Variants in TMEM135 observed in about 807,000 individuals in gnomAD.
The protein encoded by TMEM135 is peroxisomal membrane protein 52.
In TMEM135, 30 loss-of-function variants were observed where a neutral mutation model predicts 60.3. The ratio of observed to expected loss-of-function variants is 0.50; its 90% CI spans 0.37 to 0.68. TMEM135 has a LOEUF of 0.68. TMEM135 is among the 30% of genes least tolerant of loss of function. The pLI, the probability that TMEM135 is intolerant of heterozygous loss-of-function variation, is 0.00. For missense variants in TMEM135, 468 were observed against 548.8 expected (o/e 0.85, Z 1.47); for synonymous variants, 190 against 186.7 (o/e 1.02, Z -0.14).
At chr11:87,158,115 G>A (rs1247493269) in intron 5 of TMEM135, among the ~76,000 whole-genome samples, 1 of 152,102 alleles carries the variant, frequency 6.6e-6, no homozygotes, top group Non-Finnish European at 1.5e-5. Context: ...TTGAGGAGAT[G>A]GGGTCTTGCT....
intron 6 of TMEM135, among the ~76,000 whole-genome samples, chr11:87,252,365 G>A (rs964063376): frequency 2.6e-5 from 4 of 152,020 alleles, no homozygotes; most frequent in Non-Finnish European, 5.9e-5. Flanking sequence ...TGGAAGCCTT[G>A]CACATGTGTT....
chr11:87,113,633 C>A (rs1375273767), intron 4 of TMEM135, among the ~76,000 whole-genome samples: 1 of 151,970 alleles, frequency 6.6e-6, no homozygotes, highest in Non-Finnish European at 1.5e-5. Context: ...CTATAACAGA[C>A]CTAAATTTTG....
chr11:87,061,913 C>A (rs572593971), intron 1 of TMEM135, among the ~76,000 whole-genome samples: 102 of 152,282 alleles, frequency 6.7e-4, no homozygotes, highest in African/African-American at 2.4e-3. Flanking sequence ...AGGTTGGTCT[C>A]CATACTTGCG....
intron 4 of TMEM135, among the ~76,000 whole-genome samples, chr11:87,147,782 A>C (rs1938455062): frequency 6.6e-6 from 1 of 152,016 alleles, no homozygotes; most frequent in African/African-American, 2.4e-5. Context: ...TTTTGAGACA[A>C]AGTCTTACTT....
At chr11:87,208,384 A>G (rs1022450227) in intron 5 of TMEM135, among the ~76,000 whole-genome samples, 5 of 152,244 alleles carry the variant, frequency 3.3e-5, no homozygotes, top group African/African-American at 1.2e-4. Context: ...CTGAACTTCT[A>G]GAAATGAAAA....
At chr11:87,156,073 A>G (rs1399243415) in intron 4 of TMEM135, among the ~76,000 whole-genome samples, 1 of 152,160 alleles carries the variant, frequency 6.6e-6, no homozygotes. Context: ...GCCTGTGAGG[A>G]CAGTTTCATG....
rs184856430 is a variant in TMEM135 at position 87,195,820 on chromosome 11, T to C, written c.462+38414T>C. ...TGTCAATGTTGATGTTCGATGTTAT[T>C]AATAATGAGTAAAATTTGAAGACAT... On this transcript the variant is annotated intron_variant, in intron 5 of 14. Coordinates refer to ENST00000305494, the MANE Select transcript of TMEM135 (RefSeq NM_022918.4). Among the ~76,000 whole-genome samples the C allele has an allele frequency of 1.8e-3, 270 of 152,342 alleles. 1 individual carries two copies. The highest frequency in any genetic ancestry group is 3.4e-3 in the Middle Eastern group (1 of 294).
intron 5 of TMEM135, among the ~76,000 whole-genome samples, chr11:87,232,182 C>T (rs1252837084): frequency 2.0e-5 from 3 of 152,018 alleles, no homozygotes; most frequent in African/African-American, 7.2e-5. Flanking sequence ...AACTCCTGAC[C>T]TCAAGTGATC....
intron 4 of TMEM135, among the ~76,000 whole-genome samples, chr11:87,156,992 A>C (rs556645913): frequency 6.6e-6 from 1 of 152,076 alleles, no homozygotes; most frequent in South Asian, 2.1e-4. Context: ...TCTGGGGTAC[A>C]ATTTATAACT....
chr11:87,053,167 G>C (rs1449973661), intron 1 of TMEM135, among the ~76,000 whole-genome samples: 1 of 100,610 alleles, frequency 9.9e-6, no homozygotes, highest in African/African-American at 4.0e-5. Flanking sequence ...ACTGTGGTGG[G>C]GTCGGGGGAG....
intron 5 of TMEM135, among the ~76,000 whole-genome samples, chr11:87,159,613 A>ACC (rs1232096714): frequency 7.0e-6 from 1 of 143,880 alleles, no homozygotes; most frequent in Non-Finnish European, 1.5e-5. Context: ...ACACACACAC[A>ACC]CACACCATAG....
At chr11:87,134,195 G>T (rs1040050191) in intron 4 of TMEM135, among the ~76,000 whole-genome samples, 1 of 152,118 alleles carries the variant, frequency 6.6e-6, no homozygotes, top group African/African-American at 2.4e-5. Flanking sequence ...TCCTTAGCTT[G>T]TAGATGGCTG....
chr11:87,183,094 A>G (rs1277491898), intron 5 of TMEM135, among the ~76,000 whole-genome samples: 1 of 151,206 alleles, frequency 6.6e-6, no homozygotes, highest in East Asian at 1.9e-4. Flanking sequence ...AGCTGTCTAA[A>G]TTACTGATTT....
At chr11:87,315,172 C>T (rs1304450859) in intron 12 of TMEM135, among the ~76,000 whole-genome samples, 1 of 151,764 alleles carries the variant, frequency 6.6e-6, no homozygotes, top group East Asian at 1.9e-4. Context: ...TCCTCCTCTT[C>T]CTTCTCCTCC....
At position 87,323,599 on chromosome 11, in the gene TMEM135, A is replaced by T. The variant is rs1198775053; in HGVS notation, c.*2266A>T. 4 of 453,756 alleles carry T rather than the reference A, an allele frequency of 8.8e-6. No homozygotes were observed. The highest frequency in any genetic ancestry group is 1.3e-5 in the Non-Finnish European group (3 of 226,728). The allele number at this position is 453,756 out of a possible 1,614,324, so 28.1% of individuals were successfully genotyped here. On this transcript the variant is annotated 3_prime_UTR_variant, in exon 15 of 15. Transcript: ENST00000305494. Reference sequence around the variant, plus strand: ...TCACTGGAACTGATTACAGTAAACAATAATATGTCCCCTTAGTCTTTCTGA... The same window carrying T: ...TCACTGGAACTGATTACAGTAAACATTAATATGTCCCCTTAGTCTTTCTGA...
At chr11:87,091,720 A>G (rs1254869153) in intron 4 of TMEM135, among the ~76,000 whole-genome samples, 1 of 151,960 alleles carries the variant, frequency 6.6e-6, no homozygotes, top group Non-Finnish European at 1.5e-5. Flanking sequence ...ATCTAATTTC[A>G]TATTCTGCCT....
intron 5 of TMEM135, among the ~76,000 whole-genome samples, chr11:87,228,915 A>G (rs1274182511): frequency 1.3e-5 from 2 of 152,134 alleles, no homozygotes; most frequent in African/African-American, 4.8e-5. Flanking sequence ...TTTCTTTGCT[A>G]CTGCTTGTGA....
chr11:87,198,483 TG>T (rs1940010630), intron 5 of TMEM135, among the ~76,000 whole-genome samples: 1 of 151,958 alleles, frequency 6.6e-6, no homozygotes, highest in Non-Finnish European at 1.5e-5. Context: ...GGTTGTTTTT[TG>T]TTAGTTGGTT....
chr11:87,266,877 G>C (rs1327248975), intron 6 of TMEM135, among the ~76,000 whole-genome samples: 1 of 152,182 alleles, frequency 6.6e-6, no homozygotes, highest in Non-Finnish European at 1.5e-5. Context: ...TGAGTGTGGT[G>C]ATTATGTTTT....
Sources: gnomAD v4.1 joint callset for allele counts (sites outside exome capture counted in the v4.1 genomes callset) on GRCh38, gnomAD v4.1.1 for gene constraint, MANE v1.5 for transcripts, NCBI Gene and HGNC (gene_info 2026-07-23, HGNC 2026-07-21) for gene names.